MBNL1: variants seen among roughly 807,000 people sequenced by gnomAD.
MBNL1 encodes muscleblind like splicing regulator 1.
A neutral mutation model predicts 42.2 loss-of-function variants in MBNL1; 8 were observed. That is an observed-to-expected ratio of 0.19 (90% CI 0.11 to 0.34). The LOEUF is 0.34. Among genes scored for constraint, MBNL1 ranks in the 10% least tolerant of loss-of-function variants. The pLI, the probability that MBNL1 is intolerant of heterozygous loss-of-function variation, is 1.00. For missense variants in MBNL1, 309 were observed against 495.3 expected, an observed-to-expected ratio of 0.62 and a Z score of 3.57; for synonymous variants, 169 against 173.9, an observed-to-expected ratio of 0.97 and a Z score of 0.22.
chr3:152,357,364 G>A (rs2095602985), intron 2 of MBNL1, among the ~76,000 whole-genome samples: 1 of 152,154 alleles, frequency 6.6e-6, no homozygotes, highest in Non-Finnish European at 1.5e-5. Flanking sequence ...CTAAAACAAA[G>A]TTGTAGCATC....
chr3:152,254,400 G>T (rs946891087), intron 2 of MBNL1, among the ~76,000 whole-genome samples: 1 of 151,916 alleles, frequency 6.6e-6, no homozygotes, highest in Admixed American at 6.6e-5. Context: ...GTCCTGCCTT[G>T]CCCTCACCCC....
chr3:152,458,466 G>A, intron 8 of MBNL1: 2 of 397,792 alleles, frequency 5.0e-6, no homozygotes, highest in East Asian at 5.1e-5. Flanking sequence ...TAAGCATAGA[G>A]TAATGAGTTG....
chr3:152,348,471 G>A (rs2094548051), intron 2 of MBNL1, among the ~76,000 whole-genome samples: 1 of 152,044 alleles, frequency 6.6e-6, no homozygotes, highest in Non-Finnish European at 1.5e-5. Context: ...AAAGAACCCT[G>A]GTGAAATTCC....
At chr3:152,352,003 A>G (rs1226726693) in intron 2 of MBNL1, among the ~76,000 whole-genome samples, 1 of 152,168 alleles carries the variant, frequency 6.6e-6, no homozygotes, top group Non-Finnish European at 1.5e-5. Context: ...CTATTTTTCA[A>G]AGTACAGTTA....
At chr3:152,383,433 T>C (rs970111109) in intron 2 of MBNL1, among the ~76,000 whole-genome samples, 12 of 152,136 alleles carry the variant, frequency 7.9e-5, no homozygotes, top group Admixed American at 7.9e-4. Flanking sequence ...TTATATGCAT[T>C]GTACAGAGCC....
intron 2 of MBNL1, among the ~76,000 whole-genome samples, chr3:152,394,734 A>G (rs909955061): frequency 6.6e-6 from 1 of 152,240 alleles, no homozygotes; most frequent in African/African-American, 2.4e-5. Context: ...TATACAGAAA[A>G]TAAACAGGGA....
chr3:152,270,911 G>A (rs2041221379), intron 1 of MBNL1, among the ~76,000 whole-genome samples: 1 of 152,010 alleles, frequency 6.6e-6, no homozygotes, highest in Non-Finnish European at 1.5e-5. Context: ...TGCCTTTTGT[G>A]TTTTAAGGAA....
chr3:152,360,282 C>A, intron 2 of MBNL1, among the ~76,000 whole-genome samples: 2 of 152,106 alleles, frequency 1.3e-5, no homozygotes, highest in Non-Finnish European at 2.9e-5. Flanking sequence ...TTAAACCAAT[C>A]ATAACAAAAG....
intron 2 of MBNL1, among the ~76,000 whole-genome samples, chr3:152,397,757 T>A (rs2098037340): frequency 1.3e-5 from 2 of 152,220 alleles, no homozygotes; most frequent in Admixed American, 1.3e-4. Context: ...GTGTGTCATG[T>A]GAGCTCCAGT....
chr3:152,350,192 G>C (rs1341177551), intron 2 of MBNL1, among the ~76,000 whole-genome samples: 4 of 152,138 alleles, frequency 2.6e-5, no homozygotes, highest in Non-Finnish European at 4.4e-5. Flanking sequence ...ATGGTGCTTT[G>C]CCAAGGCAAA....
intron 2 of MBNL1, among the ~76,000 whole-genome samples, chr3:152,256,056 G>A (rs895222379): frequency 6.6e-6 from 1 of 152,172 alleles, no homozygotes; most frequent in African/African-American, 2.4e-5. Context: ...TTGCAAGGAC[G>A]TGCACGTGTC....
chr3:152,432,685 A>G (rs371180836), intron 3 of MBNL1, 32 bp from the exon 4 acceptor site: 12 of 1,586,078 alleles, frequency 7.6e-6, no homozygotes, highest in Non-Finnish European at 1.0e-5. Context: ...TGAGACCTGC[A>G]TGTTAAATTT....
intron 2 of MBNL1, among the ~76,000 whole-genome samples, chr3:152,334,252 G>C (rs1364307488): frequency 6.6e-6 from 1 of 152,058 alleles, no homozygotes; most frequent in Non-Finnish European, 1.5e-5. Context: ...TTCTCTAATA[G>C]GTAAATGATT....
chr3:152,413,335 T>C (rs2098633441), intron 2 of MBNL1, among the ~76,000 whole-genome samples: 1 of 152,238 alleles, frequency 6.6e-6, no homozygotes, highest in Non-Finnish European at 1.5e-5. Flanking sequence ...GTGGCAGTGA[T>C]ACACGTTTTC....
At chr3:152,402,909 A>T (rs1394086564) in intron 2 of MBNL1, among the ~76,000 whole-genome samples, 1 of 152,130 alleles carries the variant, frequency 6.6e-6, no homozygotes, top group Non-Finnish European at 1.5e-5. Context: ...CTCCTTCTGG[A>T]GGCTGTCACC....
At chr3:152,442,963 T>TAA (rs3839087) in intron 4 of MBNL1, among the ~76,000 whole-genome samples, 34 of 151,220 alleles carry the variant, frequency 2.2e-4, no homozygotes, top group African/African-American at 7.5e-4. Flanking sequence ...CCGTAAGCTG[T>TAA]AAAAAAAAAT....
intron 2 of MBNL1, among the ~76,000 whole-genome samples, chr3:152,402,072 T>G (rs547565315): frequency 1.3e-5 from 2 of 150,042 alleles, no homozygotes; most frequent in East Asian, 3.9e-4. Flanking sequence ...CTTTGTTGGG[T>G]TAGTTCATTA....
chr3:152,420,116 T>C (rs2098778938), intron 3 of MBNL1, among the ~76,000 whole-genome samples: 1 of 152,178 alleles, frequency 6.6e-6, no homozygotes, highest in Non-Finnish European at 1.5e-5. Flanking sequence ...AGTCAGGGGC[T>C]TATACATAAA....
intron 2 of MBNL1, among the ~76,000 whole-genome samples, chr3:152,401,708 G>A (rs1325563950): frequency 1.3e-5 from 2 of 152,150 alleles, no homozygotes; most frequent in Non-Finnish European, 2.9e-5. Flanking sequence ...CAGTGAAAGA[G>A]GCTTCGTTTG....
Sources: allele counts gnomAD v4.1 joint callset (sites outside exome capture counted in the v4.1 genomes callset), GRCh38; gene constraint gnomAD v4.1.1; transcripts MANE v1.5; gene names NCBI Gene and HGNC (gene_info 2026-07-23, HGNC 2026-07-21).